CCSER2: variants seen among roughly 807,000 people sequenced by gnomAD.
CCSER2 encodes the protein serine-rich coiled-coil domain-containing protein 2.
CCSER2 carries 46 observed loss-of-function variants against 92.3 expected under a neutral mutation model. The ratio of observed to expected loss-of-function variants is 0.50; its 90% confidence interval spans 0.39 to 0.64. The LOEUF is 0.64. Among genes scored for constraint, CCSER2 ranks in the 30% least tolerant of loss-of-function variants. CCSER2 has a pLI of 0.00. For synonymous variants in CCSER2, 433 were observed against 431.4 expected, an observed-to-expected ratio of 1.00 and a Z score of -0.04; for missense variants, 1,244 against 1,238.9, an observed-to-expected ratio of 1.00 and a Z score of -0.06.
At chr10:84,494,465 T>C (rs2131815938) in intron 9 of CCSER2, among the ~76,000 whole-genome samples, 1 of 152,258 alleles carries the variant, frequency 6.6e-6, no homozygotes, top group Non-Finnish European at 1.5e-5. Flanking sequence ...ATCCGGTGAC[T>C]GAGAATGCCT....
chr10:84,371,368 G>A lies in CCSER2; in HGVS notation c.316G>A (p.Asp106Asn). The A allele has an allele frequency of 6.2e-7, 1 of 1,613,522 alleles. No individual in the cohort carries two copies. Among genetic ancestry groups the A allele is most frequent in the Non-Finnish European group, 8.5e-7 (1 of 1,179,790 alleles). The change falls in exon 2 of 10, where the codon GAT (aspartate) becomes AAT (asparagine). Residue 106 changes from aspartate to asparagine, a missense_variant. Coordinates refer to ENST00000372088, the MANE Select transcript of CCSER2 (RefSeq NM_001284240.2). ...EKRVPTQGMF[D>N]KNGIKGGLKS... is the part of the protein sequence containing the mutation. ...ACGTGTTCCTACTCAAGGAATGTTT[G>A]ATAAAAATGGGATAAAGGGAGGTTT...
intron 1 of CCSER2, among the ~76,000 whole-genome samples, chr10:84,367,306 A>G (rs897201142): frequency 6.6e-6 from 1 of 151,654 alleles, no homozygotes; most frequent in Non-Finnish European, 1.5e-5. Context: ...CAGGGATACT[A>G]ATTATCTTTC....
chr10:84,360,095 G>A (rs1845416598), intron 1 of CCSER2, among the ~76,000 whole-genome samples: 1 of 152,204 alleles, frequency 6.6e-6, no homozygotes, highest in Non-Finnish European at 1.5e-5. Flanking sequence ...TGACAGGTGT[G>A]AGCCACTGTG....
chr10:84,350,367 AATT>A (rs1844794201), intron 1 of CCSER2, among the ~76,000 whole-genome samples: 1 of 148,172 alleles, frequency 6.7e-6, no homozygotes, highest in Non-Finnish European at 1.5e-5. Context: ...TATGATTTGT[AATT>A]ATTTAATTGT....
At chr10:84,354,833 A>G (rs955322073) in intron 1 of CCSER2, among the ~76,000 whole-genome samples, 7 of 151,224 alleles carry the variant, frequency 4.6e-5, no homozygotes, top group African/African-American at 1.5e-4. Flanking sequence ...CCCAGACATA[A>G]TGTTTGCCCT....
intron 1 of CCSER2, among the ~76,000 whole-genome samples, chr10:84,332,434 A>ATT (rs1336634806): frequency 0.045 from 2,947 of 65,572 alleles, 160 homozygotes; most frequent in Middle Eastern, 0.06. Context: ...ATATATATAT[A>ATT]TATTTTTTTT....
chr10:84,496,829 C>G (rs1848479895), intron 9 of CCSER2, among the ~76,000 whole-genome samples: 1 of 151,938 alleles, frequency 6.6e-6, no homozygotes, highest in East Asian at 1.9e-4. Context: ...CATATTTTTC[C>G]TTGGGTCCCA....
chr10:84,391,538 A>G, intron 3 of CCSER2: 2 of 1,501,090 alleles, frequency 1.3e-6, no homozygotes, highest in Non-Finnish European at 1.9e-6. Context: ...TCCAGAATTC[A>G]TTTCAGTCTG....
At chr10:84,486,803 C>T (rs1847835837) in intron 9 of CCSER2, among the ~76,000 whole-genome samples, 1 of 152,216 alleles carries the variant, frequency 6.6e-6, no homozygotes. Flanking sequence ...GTGTTTTAGA[C>T]ATGAAGTCCT....
chr10:84,386,597 C>A (rs150190037), intron 3 of CCSER2, among the ~76,000 whole-genome samples: 1 of 152,186 alleles, frequency 6.6e-6, no homozygotes, highest in South Asian at 2.1e-4. Context: ...CAAATGCCTG[C>A]GATCCCAGCT....
chr10:84,389,247 C>T (rs1408513685), intron 3 of CCSER2: 2 of 478,744 alleles, frequency 4.2e-6, no homozygotes, highest in Admixed American at 2.2e-5. Context: ...TTGCAGCCCA[C>T]AGACTAGGCA....
intron 3 of CCSER2, among the ~76,000 whole-genome samples, chr10:84,379,759 C>T (rs1840794155): frequency 6.6e-6 from 1 of 152,068 alleles, no homozygotes; most frequent in Non-Finnish European, 1.5e-5. Flanking sequence ...TAATATTCTA[C>T]AGGTTTCTTT....
At chr10:84,337,725 G>A (rs1020254174) in intron 1 of CCSER2, among the ~76,000 whole-genome samples, 1 of 152,154 alleles carries the variant, frequency 6.6e-6, no homozygotes, top group African/African-American at 2.4e-5. Context: ...CAATTTAGAA[G>A]TTTATTTTGC....
At chr10:84,474,552 T>A (rs1388829503) in intron 8 of CCSER2, among the ~76,000 whole-genome samples, 1 of 150,636 alleles carries the variant, frequency 6.6e-6, no homozygotes, top group East Asian at 2.0e-4. Context: ...TCTCAGCTAC[T>A]CAGGAGGCTG....
intron 9 of CCSER2, among the ~76,000 whole-genome samples, chr10:84,504,977 A>G (rs1052583393): frequency 3.3e-5 from 5 of 152,124 alleles, no homozygotes; most frequent in African/African-American, 7.2e-5. Context: ...CAAAATGTAC[A>G]TTTGTCCTAT....
chr10:84,412,686 A>G (rs561086393), intron 3 of CCSER2, among the ~76,000 whole-genome samples: 70 of 152,236 alleles, frequency 4.6e-4, no homozygotes, highest in African/African-American at 1.5e-3. Context: ...AGCCCATGCT[A>G]TTTATTGGTG....
At chr10:84,367,530 C>T (rs1412650502) in intron 1 of CCSER2, among the ~76,000 whole-genome samples, 1 of 151,982 alleles carries the variant, frequency 6.6e-6, no homozygotes, top group East Asian at 1.9e-4. Context: ...GTGTGTGCCA[C>T]CATGCCTGGC....
At chr10:84,491,875 T>C (rs192416701) in intron 9 of CCSER2, among the ~76,000 whole-genome samples, 1 of 152,352 alleles carries the variant, frequency 6.6e-6, no homozygotes, top group Non-Finnish European at 1.5e-5. Flanking sequence ...TTCGGCCATC[T>C]TCTTTGGTGT....
At chr10:84,356,567 C>T (rs772874023) in intron 1 of CCSER2, among the ~76,000 whole-genome samples, 3 of 151,882 alleles carry the variant, frequency 2.0e-5, no homozygotes, top group Non-Finnish European at 4.4e-5. Flanking sequence ...TTTTAAGTTC[C>T]TTCTTCAAAA....
Sources: gnomAD v4.1 joint callset for allele counts (sites outside exome capture counted in the v4.1 genomes callset) on GRCh38, gnomAD v4.1.1 for gene constraint, MANE v1.5 for transcripts, NCBI Gene and HGNC (gene_info 2026-07-23, HGNC 2026-07-21) for gene names.